Variants in TMEM135 observed in about 807,000 individuals in gnomAD.
The protein encoded by TMEM135 is transmembrane protein 135.
A neutral mutation model predicts 60.3 loss-of-function variants in TMEM135; 30 were observed. That is an observed-to-expected ratio of 0.50 (90% CI 0.37 to 0.68). TMEM135 has a LOEUF of 0.68. Among genes scored for constraint, TMEM135 ranks in the 30% least tolerant of loss-of-function variants. The probability of loss-of-function intolerance (pLI) is 0.00; values close to 1 mark genes in which losing one functional copy is unlikely to be tolerated. For missense variants in TMEM135, 468 were observed against 548.8 expected (o/e 0.85, Z 1.47); for synonymous variants, 190 against 186.7 (o/e 1.02, Z -0.14).
intron 4 of TMEM135, among the ~76,000 whole-genome samples, chr11:87,128,864 G>C (rs1047457618): frequency 2.0e-5 from 3 of 151,220 alleles, no homozygotes; most frequent in Admixed American, 1.3e-4. Flanking sequence ...CTTAGTAGTT[G>C]AATGAATAAG....
At position 87,198,635 on chromosome 11, in the gene TMEM135, C is replaced by T. The variant is rs368489047; in HGVS notation, c.463-38003C>T. Among the ~76,000 whole-genome samples the T allele has an allele frequency of 4.7e-3, 702 of 147,824 alleles. 6 individuals carry two copies. The highest frequency in any genetic ancestry group is 0.035 in the Middle Eastern group (10 of 286). On this transcript the variant is annotated intron_variant, in intron 5 of 14. Transcript: ENST00000305494. ...TTTCCATCTCCTCTTTCTCTCCTCT[C>T]CCTCTCTTCTCTTTTCCCTGTTTCC...
intron 5 of TMEM135, among the ~76,000 whole-genome samples, chr11:87,159,332 A>C (rs190914650): frequency 6.6e-6 from 1 of 152,164 alleles, no homozygotes; most frequent in Non-Finnish European, 1.5e-5. Flanking sequence ...ACCATCTGCT[A>C]TTCTTCACAT....
At chr11:87,175,881 G>T (rs759237461) in intron 5 of TMEM135, among the ~76,000 whole-genome samples, 104 of 152,208 alleles carry the variant, frequency 6.8e-4, no homozygotes, top group Non-Finnish European at 1.3e-3. Flanking sequence ...ATGTTTCTTT[G>T]TAGAAACATA....
At chr11:87,093,374 G>A (rs983317029) in intron 4 of TMEM135, among the ~76,000 whole-genome samples, 2 of 151,856 alleles carry the variant, frequency 1.3e-5, no homozygotes, top group Non-Finnish European at 2.9e-5. Context: ...CACAATGTCC[G>A]GCTATTTTTT....
chr11:87,247,166 G>A (rs868645118), intron 6 of TMEM135, among the ~76,000 whole-genome samples: 6 of 151,902 alleles, frequency 3.9e-5, no homozygotes, highest in African/African-American at 7.2e-5. Flanking sequence ...GCAGAAGAGC[G>A]GATTTTTGTG....
chr11:87,178,626 A>G (rs1273001410), intron 5 of TMEM135: 9 of 400,306 alleles, frequency 2.2e-5, no homozygotes, highest in Non-Finnish European at 3.0e-5. Context: ...GGATTTCACC[A>G]TGTTGGCCAG....
chr11:87,285,669 T>C (rs188156502), intron 6 of TMEM135, among the ~76,000 whole-genome samples: 450 of 151,906 alleles, frequency 3.0e-3, no homozygotes, highest in Non-Finnish European at 4.0e-3. Flanking sequence ...ACCTAAAGAG[T>C]GAGCAGCAGC....
At chr11:87,179,471 A>AT (rs1393618330) in intron 5 of TMEM135, among the ~76,000 whole-genome samples, 1 of 151,638 alleles carries the variant, frequency 6.6e-6, no homozygotes, top group African/African-American at 2.4e-5. Flanking sequence ...GGTCACAAAG[A>AT]TTTTCTCCTT....
intron 7 of TMEM135, among the ~76,000 whole-genome samples, chr11:87,300,548 T>C (rs1942425759): frequency 6.6e-6 from 1 of 152,226 alleles, no homozygotes; most frequent in African/African-American, 2.4e-5. Flanking sequence ...ACCTATAGTA[T>C]TGTTGTGAGG....
chr11:87,098,471 C>T (rs913701275), intron 4 of TMEM135, among the ~76,000 whole-genome samples: 1 of 152,080 alleles, frequency 6.6e-6, no homozygotes, highest in Non-Finnish European at 1.5e-5. Flanking sequence ...AGATGAAGTA[C>T]ATGACTTATT....
At chr11:87,195,391 T>TTCTCTCTCTCTCTCTCTTTCTC (rs1939927883) in intron 5 of TMEM135, among the ~76,000 whole-genome samples, 1 of 65,758 alleles carries the variant, frequency 1.5e-5, no homozygotes, top group African/African-American at 5.4e-5. Flanking sequence ...CCTTCCTTCC[T>TTCTCTCTCTCTCTCTCTTTCTC]TCTCTCTCTC....
In TMEM135 at chr11:87,116,632, CACACACACACACACAG is replaced by C. The variant is rs1565447715; in HGVS notation, c.396+25247_396+25262del. On this transcript the variant is annotated intron_variant, in intron 4 of 14. Coordinates refer to ENST00000305494, the MANE Select transcript of TMEM135 (RefSeq NM_022918.4). ...ATGTACAAACACACACACACACATA[CACACACACACACACAG>C]ACACACACATACATATAGTATAGGC... is the stretch of plus-strand genomic sequence containing the variant. 3.0e-4 allele frequency among the ~76,000 whole-genome samples: 39 copies of C among 128,990 alleles called. 1 individual carries two copies. The East Asian group carries it at 5.7e-3, about 19-fold the overall frequency. 84.6% of individuals were successfully genotyped at this position (128,990 alleles called of 152,430 possible). A position where few individuals can be genotyped will look rare whatever the true frequency, so the allele number is the denominator to read the frequency against.
chr11:87,290,333 C>T (rs909313198), intron 6 of TMEM135, among the ~76,000 whole-genome samples: 3 of 151,976 alleles, frequency 2.0e-5, no homozygotes, highest in Non-Finnish European at 4.4e-5. Context: ...AGTCTAATAT[C>T]GAGATATTTA....
intron 5 of TMEM135, among the ~76,000 whole-genome samples, chr11:87,159,929 T>G (rs538264445): frequency 6.6e-6 from 1 of 152,320 alleles, no homozygotes; most frequent in African/African-American, 2.4e-5. Context: ...GAAATCATTG[T>G]ATTTATCAAT....
At chr11:87,122,190 T>C (rs1937609238) in intron 4 of TMEM135, among the ~76,000 whole-genome samples, 1 of 152,020 alleles carries the variant, frequency 6.6e-6, no homozygotes, top group Admixed American at 6.6e-5. Flanking sequence ...AGCAAATTAA[T>C]AGTTTTATTC....
intron 4 of TMEM135, among the ~76,000 whole-genome samples, chr11:87,113,672 A>G (rs1278503156): frequency 1.3e-5 from 2 of 152,046 alleles, no homozygotes; most frequent in Non-Finnish European, 2.9e-5. Context: ...ATTAGTGTCC[A>G]TTTGACTCCT....
At chr11:87,070,463 T>G (rs1244433285) in intron 2 of TMEM135, among the ~76,000 whole-genome samples, 1 of 151,844 alleles carries the variant, frequency 6.6e-6, no homozygotes, top group Non-Finnish European at 1.5e-5. Flanking sequence ...ACCAACATGG[T>G]CTCTACTAAA....
chr11:87,284,977 C>A (rs943720355), intron 6 of TMEM135, among the ~76,000 whole-genome samples: 1 of 152,116 alleles, frequency 6.6e-6, no homozygotes, highest in Non-Finnish European at 1.5e-5. Flanking sequence ...AATCTATTAA[C>A]CACACACTAC....
At chr11:87,297,339 C>CT (rs1195262865) in intron 7 of TMEM135, among the ~76,000 whole-genome samples, 1 of 152,120 alleles carries the variant, frequency 6.6e-6, no homozygotes, top group Non-Finnish European at 1.5e-5. Context: ...ATGGAGTCTA[C>CT]TGTATGATAA....
Sources: allele counts gnomAD v4.1 joint callset (sites outside exome capture counted in the v4.1 genomes callset), GRCh38; gene constraint gnomAD v4.1.1; transcripts MANE v1.5; gene names NCBI Gene and HGNC (gene_info 2026-07-23, HGNC 2026-07-21).